Variants in ATM observed in about 807,000 individuals in gnomAD.
The protein encoded by ATM is ATM serine/threonine kinase, also known as serine-protein kinase ATM.
ATM carries 308 observed loss-of-function variants against 387.0 expected under a neutral mutation model. The observed-to-expected ratio is 0.80, with a 90% CI of 0.73 to 0.87. The LOEUF is 0.87. Among genes scored for constraint, ATM ranks in the 40% least tolerant of loss-of-function variants. The pLI is 0.00. For missense variants in ATM, 3,312 were observed against 3,560.9 expected (o/e 0.93, Z 1.78); for synonymous variants, 1,156 against 1,187.3 (o/e 0.97, Z 0.54).
intron 24 of ATM, among the ~76,000 whole-genome samples, chr11:108,281,585 C>A (rs1591638043): frequency 1.3e-5 from 2 of 152,322 alleles, no homozygotes; most frequent in African/African-American, 2.4e-5. Context: ...GTTCAGTTAT[C>A]AGGGGAGAAG....
At position 108,223,159 on chromosome 11, in the gene ATM, A is replaced by C. The variant is rs951064054; in HGVS notation, c.-58A>C. 1 of 176,740 alleles carries C rather than the reference A, an allele frequency of 5.7e-6. No homozygotes were observed. The highest frequency in any genetic ancestry group is 2.4e-5 in the African/African-American group (1 of 41,720). 10.9% of individuals were successfully genotyped at this position (176,740 alleles called of 1,614,324 possible). A position where few individuals can be genotyped will look rare whatever the true frequency, so the allele number is the denominator to read the frequency against. ...TGCGCTGCAGCCACCGCCGCGGTTGATACTACTTTGACCTTCCGAGTGCAG... is the reference window on the plus strand; with the variant it reads ...TGCGCTGCAGCCACCGCCGCGGTTGCTACTACTTTGACCTTCCGAGTGCAG... On this transcript the variant is annotated 5_prime_UTR_variant, in exon 1 of 63. Transcript: ENST00000675843.
chr11:108,359,941 A>G (rs980919159), intron 61 of ATM, among the ~76,000 whole-genome samples: 3 of 151,832 alleles, frequency 2.0e-5, no homozygotes, highest in South Asian at 2.1e-4. Flanking sequence ...AGAAATAACT[A>G]AAATCAGAGC....
intron 13 of ATM, 55 bp from the exon 14 acceptor site, chr11:108,256,160 A>T (rs1293061795): frequency 7.1e-7 from 1 of 1,416,026 alleles, no homozygotes; most frequent in African/African-American, 1.4e-5. Flanking sequence ...CAAAAGATAG[A>T]GTATACTAAA....
At chr11:108,301,306 G>A (rs1412006863) in intron 34 of ATM, among the ~76,000 whole-genome samples, 1 of 152,118 alleles carries the variant, frequency 6.6e-6, no homozygotes, top group African/African-American at 2.4e-5. Context: ...AGGGACTTTA[G>A]CATATGAAGA....
chr11:108,263,805 A>G (rs1222442749), intron 16 of ATM, among the ~76,000 whole-genome samples: 197 of 151,122 alleles, frequency 1.3e-3, no homozygotes, highest in African/African-American at 4.5e-3. Context: ...GGATATCACC[A>G]CCGATCCCAC....
At chr11:108,320,872 C>T (rs1330168593) in intron 44 of ATM, among the ~76,000 whole-genome samples, 1 of 151,986 alleles carries the variant, frequency 6.6e-6, no homozygotes, top group African/African-American at 2.4e-5. Context: ...TAGATTAACA[C>T]ATATTTTGTA....
intron 61 of ATM, among the ~76,000 whole-genome samples, chr11:108,358,669 C>T (rs1408419096): frequency 6.8e-6 from 1 of 147,612 alleles, no homozygotes. Context: ...GAATTTTCAA[C>T]CCAGAATTTC....
intron 52 of ATM, 57 bp from the exon 53 acceptor site, chr11:108,332,705 G>A: frequency 6.4e-7 from 1 of 1,564,682 alleles, no homozygotes; most frequent in Non-Finnish European, 8.7e-7. Flanking sequence ...TTCTAACTCT[G>A]AGAAGTTTAA....
intron 5 of ATM, 122 bp downstream of exon 5, chr11:108,235,956 G>A (rs1055363941): frequency 5.5e-6 from 6 of 1,099,812 alleles, no homozygotes; most frequent in Non-Finnish European, 8.2e-6. Context: ...CAGTACTTTA[G>A]TAAAATTATA....
chr11:108,312,574 A>C, intron 40 of ATM, 76 bp downstream of exon 40: 1 of 1,040,734 alleles, frequency 9.6e-7, no homozygotes, highest in Non-Finnish European at 1.5e-6. Context: ...GACACTGTAC[A>C]GATGCCATGT....
chr11:108,235,984 C>G (rs1237219692), intron 5 of ATM, 150 bp downstream of exon 5: 6 of 805,136 alleles, frequency 7.5e-6, no homozygotes, highest in Non-Finnish European at 1.0e-5. Flanking sequence ...CGAACTGACC[C>G]TTAATTTTTA....
chr11:108,293,202 A>C (rs1027441188), intron 30 of ATM, 111 bp from the exon 31 acceptor site: 1 of 733,054 alleles, frequency 1.4e-6, no homozygotes, highest in East Asian at 2.8e-5. Context: ...TAATTAGAAC[A>C]TTTAATCTGA....
chr11:108,353,904 G>T (rs761510445), intron 60 of ATM, 24 bp downstream of exon 60: 1 of 1,593,298 alleles, frequency 6.3e-7, no homozygotes, highest in East Asian at 2.2e-5. Flanking sequence ...AGTAAAGGAG[G>T]GAAATAATTT....
intron 36 of ATM, among the ~76,000 whole-genome samples, chr11:108,303,748 C>T (rs1052075224): frequency 7.9e-5 from 12 of 152,274 alleles, no homozygotes; most frequent in African/African-American, 2.6e-4. Context: ...TGCAATACTA[C>T]ACCGCACTCA....
At position 108,297,324 on chromosome 11, in the gene ATM, C is replaced by T. The variant is rs1436324961; in HGVS notation, c.4947C>T (p.Val1649=). Residue 1649 remains valine (V), a synonymous_variant, in exon 33 of 63, where the codon GTC becomes GTT. Transcript: ENST00000675843. ...ATGGGATTATGGTGAAACTAGTTGT[C>T]AATTTGTTGCAGTTATCCAAGATGG... ...PQDGIMVKLV[V]NLLQLSKMAI... The T allele has an allele frequency of 2.5e-6, 4 of 1,613,834 alleles. No individual in the cohort carries two copies. Among genetic ancestry groups the T allele is most frequent in the Non-Finnish European group, 3.4e-6 (4 of 1,179,962 alleles).
rs2083342045 is a variant in ATM, at chr11:108,299,951, CAAAT to C, written c.5177+68_5177+71del. ...CATTCATGGAGAATGATACTTCACA[CAAAT>C]AGATATTCTCAGTAACTAAAGCTTT... is the stretch of plus-strand genomic sequence containing the variant. On this transcript the variant is annotated intron_variant, in intron 34 of 62. Coordinates refer to ENST00000675843, the MANE Select transcript of ATM (RefSeq NM_000051.4). 1.1e-5 allele frequency: 15 copies of C among 1,420,850 alleles called. No individual in the cohort carries two copies. The South Asian group carries it at 1.4e-4, about 13-fold the overall frequency. The allele number at this position is 1,420,850 out of a possible 1,614,324, so 88.0% of individuals were successfully genotyped here. A position where few individuals can be genotyped will look rare whatever the true frequency, so the allele number is the denominator to read the frequency against.
chr11:108,352,923 A>T (rs569012302), intron 59 of ATM, among the ~76,000 whole-genome samples: 1 of 152,268 alleles, frequency 6.6e-6, no homozygotes, highest in African/African-American at 2.4e-5. Flanking sequence ...AGGGGGTCAG[A>T]GGGCTGGGTG....
intron 7 of ATM, 132 bp from the exon 8 acceptor site, chr11:108,246,832 A>G: frequency 1.5e-6 from 1 of 669,024 alleles, no homozygotes; most frequent in Non-Finnish European, 2.7e-6. Flanking sequence ...AAGAGGCATT[A>G]GTACTGAATG....
In ATM at chr11:108,284,377, C is replaced by A. The variant is rs760491475; in HGVS notation, c.3897C>A (p.Ala1299=). ...KILVNILPYF[A]YEGTRDSGMA... The stretch of plus-strand genomic sequence containing the variant: ...TTGTAAATATTCTTCCTTATTTTGC[C>A]TATGAGGGTACCAGAGACAGTGGGA... The change falls in exon 26 of 63, where the codon GCC becomes GCA. Residue 1299 remains alanine, a synonymous_variant. Coordinates refer to ENST00000675843, the MANE Select transcript of ATM (RefSeq NM_000051.4). 6.2e-7 allele frequency: 1 copy of A among 1,613,946 alleles called. No homozygotes were observed. Among genetic ancestry groups the A allele is most frequent in the Non-Finnish European group, 8.5e-7 (1 of 1,179,940 alleles).
Sources: gnomAD v4.1 joint callset for allele counts (sites outside exome capture counted in the v4.1 genomes callset) on GRCh38, gnomAD v4.1.1 for gene constraint, MANE v1.5 for transcripts, NCBI Gene and HGNC (gene_info 2026-07-23, HGNC 2026-07-21) for gene names.